The following WDR49 variants were observed in gnomAD, a reference collection of about 807,000 sequenced individuals.
WDR49 encodes cilia- and flagella-associated protein 337.
WDR49 carries 107 observed loss-of-function variants against 119.5 expected under a neutral mutation model. The ratio of observed to expected loss-of-function variants is 0.90; its 90% CI spans 0.77 to 1.05. WDR49 has a LOEUF of 1.05. Among genes scored for constraint, WDR49 ranks in the 50% least tolerant of loss-of-function variants. The pLI is 0.00. For synonymous variants in WDR49, 425 were observed against 418.8 expected (o/e 1.01, Z -0.18); for missense variants, 1,240 against 1,220.5 (o/e 1.02, Z -0.24).
At chr3:167,492,379 T>C (rs911333160) in intron 18 of WDR49, among the ~76,000 whole-genome samples, 1 of 152,120 alleles carries the variant, frequency 6.6e-6, no homozygotes, top group Non-Finnish European at 1.5e-5. Context: ...TGAGTCAGTT[T>C]TTCAGCATTC....
At chr3:167,625,021 A>G (rs958412902) in intron 3 of WDR49, among the ~76,000 whole-genome samples, 1 of 152,074 alleles carries the variant, frequency 6.6e-6, no homozygotes, top group Non-Finnish European at 1.5e-5. Context: ...TTTCATTTGT[A>G]AAGTGGGAAT....
At chr3:167,497,565 C>T (rs1299188399) in intron 18 of WDR49, among the ~76,000 whole-genome samples, 1 of 152,142 alleles carries the variant, frequency 6.6e-6, no homozygotes, top group Non-Finnish European at 1.5e-5. Flanking sequence ...CTTCCTTCTG[C>T]CACAGATTAT....
intron 8 of WDR49, among the ~76,000 whole-genome samples, chr3:167,572,747 A>T (rs1714008041): frequency 6.6e-6 from 1 of 152,234 alleles, no homozygotes; most frequent in Non-Finnish European, 1.5e-5. Context: ...CAACTAAAAA[A>T]TGCGACCAAT....
intron 14 of WDR49, 90 bp from the exon 15 acceptor site, chr3:167,528,107 A>T: frequency 9.1e-7 from 1 of 1,104,136 alleles, no homozygotes; most frequent in Non-Finnish European, 1.3e-6. Context: ...CCGATTTTCA[A>T]ACTTGGGAAC....
rs556661956 is a variant in WDR49, at chr3:167,530,708, G to A, written c.2218+407C>T. The stretch of plus-strand genomic sequence containing the variant: ...CTCTTCCAGCCTATTTTGATTAGGT[G>A]CTCATATAGTCAGTCTCAGACTCAA... On this transcript the variant is annotated intron_variant, in intron 13 of 18. Transcript: ENST00000682715. Among the ~76,000 whole-genome samples the A allele has an allele frequency of 3.3e-5, 5 of 152,182 alleles. No homozygotes were observed. The East Asian group carries it at 9.7e-4, about 29-fold the overall frequency.
chr3:167,512,842 G>A (rs891989679), intron 16 of WDR49, among the ~76,000 whole-genome samples: 4 of 152,246 alleles, frequency 2.6e-5, no homozygotes, highest in Admixed American at 6.5e-5. Context: ...TAGTCCACAC[G>A]GAGGACAGAA....
intron 18 of WDR49, among the ~76,000 whole-genome samples, chr3:167,489,139 C>CA (rs1173240633): frequency 2.6e-5 from 4 of 152,098 alleles, no homozygotes; most frequent in African/African-American, 9.7e-5. Context: ...TCTTCCTAGA[C>CA]AATAAATTCA....
intron 7 of WDR49, among the ~76,000 whole-genome samples, chr3:167,600,574 G>C (rs961896075): frequency 6.6e-6 from 1 of 152,170 alleles, no homozygotes; most frequent in Non-Finnish European, 1.5e-5. Flanking sequence ...TCTATCCCAT[G>C]ATCTTGCTCC....
chr3:167,595,207 C>G (rs926460912), intron 7 of WDR49, among the ~76,000 whole-genome samples: 5 of 152,058 alleles, frequency 3.3e-5, no homozygotes, highest in African/African-American at 4.8e-5. Context: ...CACTGCTCAA[C>G]AAAATAAAAG....
At chr3:167,524,805 G>C (rs548674751) in intron 15 of WDR49, among the ~76,000 whole-genome samples, 49 of 152,200 alleles carry the variant, frequency 3.2e-4, no homozygotes, top group African/African-American at 9.4e-4. Context: ...TTTGGTTACT[G>C]TAGCCTTGTA....
At chr3:167,613,814 T>C (rs898479498) in intron 5 of WDR49, among the ~76,000 whole-genome samples, 10 of 151,686 alleles carry the variant, frequency 6.6e-5, no homozygotes, top group Non-Finnish European at 1.2e-4. Flanking sequence ...GCGTGGTAGC[T>C]CATGCCTGTA....
chr3:167,657,916 A>G (rs1329132482), upstream of WDR49, among the ~76,000 whole-genome samples: 1 of 152,244 alleles, frequency 6.6e-6, no homozygotes, highest in Non-Finnish European at 1.5e-5. Context: ...AAGCCTGGGG[A>G]AAGCTCTGGC....
chr3:167,519,648 G>T (rs2108229365), intron 16 of WDR49, among the ~76,000 whole-genome samples: 1 of 152,146 alleles, frequency 6.6e-6, no homozygotes, highest in Middle Eastern at 3.4e-3. Context: ...GTGGGGGATG[G>T]GGGAGGGGGA....
intron 7 of WDR49, among the ~76,000 whole-genome samples, chr3:167,596,218 C>A (rs1252028254): frequency 6.6e-6 from 1 of 151,930 alleles, no homozygotes; most frequent in African/African-American, 2.4e-5. Flanking sequence ...TGTCAGGAAA[C>A]AACAGGTGCT....
intron 11 of WDR49, among the ~76,000 whole-genome samples, chr3:167,535,982 T>A (rs1753006547): frequency 6.6e-6 from 1 of 152,072 alleles, no homozygotes; most frequent in African/African-American, 2.4e-5. Flanking sequence ...AAGCCAGGCA[T>A]ATAAAGACAA....
chr3:167,607,569 C>T (rs1220813592), intron 5 of WDR49, among the ~76,000 whole-genome samples: 1 of 152,144 alleles, frequency 6.6e-6, no homozygotes, highest in Non-Finnish European at 1.5e-5. Flanking sequence ...CCAACTTGCT[C>T]AAGGGCATGA....
intron 18 of WDR49, among the ~76,000 whole-genome samples, chr3:167,497,713 T>G (rs1241789211): frequency 1.3e-5 from 2 of 152,160 alleles, no homozygotes; most frequent in Admixed American, 6.6e-5. Context: ...CTTGCCTCAA[T>G]TCTGAATCCA....
intron 18 of WDR49, among the ~76,000 whole-genome samples, chr3:167,483,585 T>C (rs1750807621): frequency 6.6e-6 from 1 of 152,206 alleles, no homozygotes; most frequent in African/African-American, 2.4e-5. Context: ...GGTAGCTCTC[T>C]TTAGAAAAAC....
rs1021252949 is a variant in WDR49 at position 167,527,808 on chromosome 3, C to G, written c.2604+12G>C. ...AGTAAATACTAGAATAATAAAGAAG[C>G]AATATTTCTACCTGACCAAAGATCC... On this transcript the variant is annotated intron_variant, in intron 15 of 18. Transcript: ENST00000682715. 5 of 1,607,986 alleles carry G rather than the reference C, an allele frequency of 3.1e-6. No homozygotes were observed. In the African/African-American group the frequency reaches 6.7e-5, roughly 22 times the overall value.
Sources: allele counts gnomAD v4.1 joint callset (sites outside exome capture counted in the v4.1 genomes callset), GRCh38; gene constraint gnomAD v4.1.1; transcripts MANE v1.5; gene names NCBI Gene and HGNC (gene_info 2026-07-23, HGNC 2026-07-21).